Variants in NEGR1 observed in about 807,000 individuals in gnomAD.
NEGR1 encodes neuronal growth regulator 1.
Under a neutral mutation model 40.9 loss-of-function variants are expected in NEGR1, and 10 were observed. The observed-to-expected ratio is 0.24, with a 90% confidence interval of 0.15 to 0.42. NEGR1 has a LOEUF of 0.42. NEGR1 is among the 10% of genes least tolerant of loss of function. The pLI is 1.00. For synonymous variants in NEGR1, 185 were observed against 166.8 expected (o/e 1.11, Z -0.84); for missense variants, 352 against 438.9 (o/e 0.80, Z 1.77).
chr1:72,048,825 AT>A (rs147123386), intron 1 of NEGR1, among the ~76,000 whole-genome samples: 3,701 of 150,628 alleles, frequency 0.025, 143 homozygotes, highest in African/African-American at 0.085. Context: ...TTAACTGGAC[AT>A]TTTTTTTTGT....
At chr1:71,914,302 T>G (rs1661510523) in intron 2 of NEGR1, among the ~76,000 whole-genome samples, 1 of 152,210 alleles carries the variant, frequency 6.6e-6, no homozygotes, top group Admixed American at 6.5e-5. Flanking sequence ...GTCCATCCTT[T>G]ACTTCAACAA....
At chr1:71,741,036 CA>C (rs911480776) in intron 3 of NEGR1, among the ~76,000 whole-genome samples, 5 of 152,008 alleles carry the variant, frequency 3.3e-5, no homozygotes, top group African/African-American at 9.7e-5. Context: ...GTTTAGTCAC[CA>C]AAAAAATTTT....
intron 5 of NEGR1, among the ~76,000 whole-genome samples, chr1:71,605,775 G>A (rs953186701): frequency 6.6e-6 from 1 of 152,108 alleles, no homozygotes; most frequent in African/African-American, 2.4e-5. Context: ...GTAAAATTAA[G>A]CCCATTGATA....
intron 1 of NEGR1, among the ~76,000 whole-genome samples, chr1:72,164,643 C>G (rs929630367): frequency 6.6e-6 from 1 of 151,988 alleles, no homozygotes; most frequent in African/African-American, 2.4e-5. Flanking sequence ...TGTAGAGGAC[C>G]TAACACTTAA....
In NEGR1 at chr1:71,898,228, G is replaced by A. The variant is rs1006303217; in HGVS notation, c.409+36851C>T. On this transcript the variant is annotated intron_variant, in intron 2 of 6. Coordinates refer to ENST00000357731, the MANE Select transcript of NEGR1 (RefSeq NM_173808.3). Reference sequence around the variant, plus strand: ...AAGCTAATACATTCTTTCTCAGAAAGGGAAAGCTGTCTTTTTATTTTTTTC... The same window carrying A: ...AAGCTAATACATTCTTTCTCAGAAAAGGAAAGCTGTCTTTTTATTTTTTTC... Among the ~76,000 whole-genome samples the A allele has an allele frequency of 5.3e-5, 8 of 152,166 alleles. 1 individual carries two copies. The highest frequency in any genetic ancestry group is 1.4e-4 in the African/African-American group (6 of 41,444).
chr1:71,488,423 T>C (rs1024144941), intron 6 of NEGR1, among the ~76,000 whole-genome samples: 2 of 151,820 alleles, frequency 1.3e-5, no homozygotes, highest in African/African-American at 4.8e-5. Flanking sequence ...TTTCTGCTTA[T>C]GAGACCAGAG....
At chr1:72,063,016 C>T (rs2100496782) in intron 1 of NEGR1, among the ~76,000 whole-genome samples, 1 of 151,766 alleles carries the variant, frequency 6.6e-6, no homozygotes, top group Admixed American at 6.6e-5. Flanking sequence ...GAAGTTCTTT[C>T]TATATGTTGC....
intron 6 of NEGR1, among the ~76,000 whole-genome samples, chr1:71,564,308 A>G (rs1280809290): frequency 6.6e-6 from 1 of 152,074 alleles, no homozygotes; most frequent in Non-Finnish European, 1.5e-5. Context: ...ATTTGTTTCC[A>G]AAATTTAAGA....
At chr1:71,493,732 C>T (rs758239586) in intron 6 of NEGR1, among the ~76,000 whole-genome samples, 4 of 152,254 alleles carry the variant, frequency 2.6e-5, no homozygotes, top group Non-Finnish European at 4.4e-5. Flanking sequence ...TTATTCTGCT[C>T]ATCAACCAAA....
intron 1 of NEGR1, among the ~76,000 whole-genome samples, chr1:72,264,714 C>A (rs1209455543): frequency 6.6e-6 from 1 of 150,614 alleles, no homozygotes; most frequent in Non-Finnish European, 1.5e-5. Context: ...AAATGAATTA[C>A]TTTTAATGAC....
rs765470454 is a variant in NEGR1, at chr1:71,698,107, T to C, written c.568A>G (p.Ile190Val). Residue 190 changes from isoleucine (I) to valine (V), a missense_variant, in exon 4 of 7, where the codon ATT (isoleucine) becomes GTT (valine). Ile to Val is a conservative substitution (Grantham distance 29). Around this residue, in one of 5 missense-constraint regions of NEGR1, gnomAD observed 184 missense variants for 208.7 expected, o/e 0.88. Coordinates refer to ENST00000357731, the MANE Select transcript of NEGR1 (RefSeq NM_173808.3). Reference sequence around the variant, plus strand: ...GCCTGGTCCCTTGTAATTCCATAAATGTCCAAATATTGTCCATTTTCAAAT... The same window carrying C: ...GCCTGGTCCCTTGTAATTCCATAAACGTCCAAATATTGTCCATTTTCAAAT... The part of the protein sequence containing the change: ...KPFENGQYLD[I>V]YGITRDQAGE... 1 of 1,611,070 alleles carries C rather than the reference T, an allele frequency of 6.2e-7. No individual in the cohort carries two copies. The highest frequency in any genetic ancestry group is 1.1e-5 in the South Asian group (1 of 90,946).
At chr1:71,981,179 T>A (rs1646351424) in intron 1 of NEGR1, among the ~76,000 whole-genome samples, 2 of 152,164 alleles carry the variant, frequency 1.3e-5, no homozygotes, top group Non-Finnish European at 2.9e-5. Flanking sequence ...AAAGCTATAA[T>A]TCTACGTAGA....
At chr1:71,542,211 C>T (rs539392576) in intron 6 of NEGR1, among the ~76,000 whole-genome samples, 211 of 151,660 alleles carry the variant, frequency 1.4e-3, no homozygotes, top group African/African-American at 4.8e-3. Flanking sequence ...AGCATGAAGC[C>T]GGGGAACCTC....
At chr1:72,250,656 G>T (rs1227550114) in intron 1 of NEGR1, among the ~76,000 whole-genome samples, 2 of 151,988 alleles carry the variant, frequency 1.3e-5, no homozygotes, top group African/African-American at 4.8e-5. Context: ...ACATTAAAGG[G>T]GCTTTAATAA....
chr1:71,928,509 T>TATGTATAC lies in NEGR1; in HGVS notation c.409+6569_409+6570insGTATACAT, dbSNP rs1557439524. 8.2e-3 allele frequency among the ~76,000 whole-genome samples: 754 copies of TATGTATAC among 92,110 alleles called. 27 individuals are homozygous for TATGTATAC. The highest frequency in any genetic ancestry group is 0.03 in the African/African-American group (710 of 23,604). The allele number at this position is 92,110 out of a possible 152,430, so 60.4% of individuals were successfully genotyped here. The stretch of plus-strand genomic sequence containing the variant: ...ATGTATATATACACATATGTATACA[T>TATGTATAC]GTGTATATATATACACACATCTATA... On this transcript the variant is annotated intron_variant, in intron 2 of 6. Transcript: ENST00000357731.
chr1:71,614,757 C>T (rs996820190), intron 4 of NEGR1, among the ~76,000 whole-genome samples: 4 of 152,072 alleles, frequency 2.6e-5, no homozygotes, highest in South Asian at 2.1e-4. Flanking sequence ...GCCTGAAAAC[C>T]GGAACATTGC....
chr1:71,900,320 C>T (rs971610340), intron 2 of NEGR1, among the ~76,000 whole-genome samples: 1 of 152,124 alleles, frequency 6.6e-6, no homozygotes, highest in Non-Finnish European at 1.5e-5. Flanking sequence ...TTAGTATTTG[C>T]ACAATCCATT....
intron 1 of NEGR1, among the ~76,000 whole-genome samples, chr1:72,197,877 G>T (rs1653054994): frequency 6.6e-6 from 1 of 151,996 alleles, no homozygotes; most frequent in Non-Finnish European, 1.5e-5. Context: ...TTAAGAAACA[G>T]TCAGTTTAGA....
intron 2 of NEGR1, among the ~76,000 whole-genome samples, chr1:71,932,281 A>G (rs111629535): frequency 6.6e-5 from 10 of 151,304 alleles, no homozygotes; most frequent in African/African-American, 2.4e-4. Context: ...GATTTTTGTT[A>G]TTTTTTTATT....
Sources: allele counts gnomAD v4.1 joint callset (sites outside exome capture counted in the v4.1 genomes callset), GRCh38; gene constraint gnomAD v4.1.1; regional missense constraint gnomAD v4.1.1; transcripts MANE v1.5; gene names NCBI Gene and HGNC (gene_info 2026-07-23, HGNC 2026-07-21).